The following ZCCHC2 variants were observed in gnomAD, a reference collection of about 807,000 sequenced individuals.
The protein encoded by ZCCHC2 is zinc finger CCHC-type containing 2.
ZCCHC2 carries 39 observed loss-of-function variants against 103.6 expected under a neutral mutation model. The ratio of observed to expected loss-of-function variants is 0.38; its 90% confidence interval spans 0.29 to 0.49. The LOEUF is 0.49. Among genes scored for constraint, ZCCHC2 ranks in the 20% least tolerant of loss-of-function variants. The pLI is 0.96. For missense variants in ZCCHC2, 1,483 were observed against 1,491.0 expected, an observed-to-expected ratio of 0.99 and a Z score of 0.09; for synonymous variants, 687 against 608.9, an observed-to-expected ratio of 1.13 and a Z score of -1.89.
chr18:62,541,962 T>A (rs1915209414), intron 2 of ZCCHC2, among the ~76,000 whole-genome samples: 1 of 152,212 alleles, frequency 6.6e-6, no homozygotes, highest in Non-Finnish European at 1.5e-5. Flanking sequence ...ATATTTATCA[T>A]TATATGATAT....
At chr18:62,527,047 C>A (rs1472120821) in intron 1 of ZCCHC2, 1 of 133,578 alleles carries the variant, frequency 7.5e-6, no homozygotes, top group Non-Finnish European at 1.6e-5. Context: ...ACCTTTTAGA[C>A]ACAAGTATGC....
chr18:62,579,666 C>G (rs1007979204), downstream of ZCCHC2, among the ~76,000 whole-genome samples: 12 of 152,054 alleles, frequency 7.9e-5, no homozygotes, highest in African/African-American at 2.4e-4. Flanking sequence ...CTTAGCTATC[C>G]CTCCCTCCCC....
chr18:62,558,267 A>T (rs928427133), intron 6 of ZCCHC2, among the ~76,000 whole-genome samples: 12 of 152,338 alleles, frequency 7.9e-5, no homozygotes, highest in Admixed American at 5.9e-4. Flanking sequence ...TTGAGAGCAG[A>T]CACTGAGAGA....
rs770719036 is a variant in ZCCHC2, at chr18:62,564,600, A to G, written c.1716A>G (p.Ser572=). ...CTGCTGAAAAACGGAGTTTATCTTCAATAAATAAGAAGAAAGGAAAGCCAC... is the reference window on the plus strand; with the variant it reads ...CTGCTGAAAAACGGAGTTTATCTTCGATAAATAAGAAGAAAGGAAAGCCAC... ...QHSAEKRSLS[S]INKKKGKPQT... Residue 572 remains serine, a synonymous_variant, in exon 10 of 14, where the codon TCA becomes TCG. Transcript: ENST00000269499. 6.5e-6 allele frequency: 10 copies of G among 1,545,058 alleles called. No homozygotes were observed. In the South Asian group the frequency reaches 1.2e-4, roughly 19 times the overall value.
rs200293690 is a variant in ZCCHC2, at chr18:62,574,696, C to T, written c.2615C>T (p.Ala872Val). 1.9e-6 allele frequency: 3 copies of T among 1,613,906 alleles called. No homozygotes were observed. The South Asian group carries it at 3.3e-5, about 18-fold the overall frequency. ...ACCACGGACCCCATCACAAAATCTG[C>T]ATCCCAAGTGGTAGGACTCAATCAA... ...VATTDPITKS[A>V]SQVVGLNQMV... The change falls in exon 13 of 14, where the codon GCA (alanine) becomes GTA (valine). Residue 872 changes from alanine to valine, a missense_variant. Physicochemically the swap from Ala to Val is moderately conservative, Grantham distance 64. Transcript: ENST00000269499.
chr18:62,524,458 G>T, intron 1 of ZCCHC2, 95 bp downstream of exon 1: 2 of 1,398,678 alleles, frequency 1.4e-6, no homozygotes, highest in African/African-American at 1.5e-5. Flanking sequence ...CCGAGCCCCA[G>T]CCCGGCGCAG....
At position 62,563,076 on chromosome 18, in the gene ZCCHC2, G is replaced by A. The variant is rs373092621; in HGVS notation, c.1618G>A (p.Val540Met). The change falls in exon 9 of 14, where the codon GTG becomes ATG. Residue 540 changes from valine to methionine, a missense_variant. Around this residue, in one of 3 missense-constraint regions of ZCCHC2, gnomAD observed 884 missense variants for 907.5 expected, o/e 0.97. Coordinates refer to ENST00000269499, the MANE Select transcript of ZCCHC2 (RefSeq NM_017742.6). The stretch of plus-strand genomic sequence containing the variant: ...GCAATATTCTGAACAGAATGGAATT[G>A]TGGATTGGAGGAAGCAAAGCTGTAC... ...TMQYSEQNGIVDWRKQSCTTI... is the reference protein window; with the variant it reads ...TMQYSEQNGIMDWRKQSCTTI... 31 of 1,613,886 alleles carry A rather than the reference G, an allele frequency of 1.9e-5. No individual in the cohort carries two copies. Among genetic ancestry groups the A allele is most frequent in the Non-Finnish European group, 2.5e-5 (30 of 1,179,880 alleles).
chr18:62,572,686 T>C (rs1448036693), intron 12 of ZCCHC2, among the ~76,000 whole-genome samples: 1 of 152,212 alleles, frequency 6.6e-6, no homozygotes, highest in Non-Finnish European at 1.5e-5. Flanking sequence ...TCAGCATGTC[T>C]AGAGGAGTCT....
Position 62,544,000 on chromosome 18 carries a change from T to A in ZCCHC2, c.1129-802T>A, listed in dbSNP as rs117694962. 4.3e-3 allele frequency among the ~76,000 whole-genome samples: 662 copies of A among 152,348 alleles called. 3 individuals are homozygous for A. The highest frequency in any genetic ancestry group is 5.7e-3 in the Non-Finnish European group (386 of 68,030). On this transcript the variant is annotated intron_variant, in intron 3 of 13. Coordinates refer to ENST00000269499, the MANE Select transcript of ZCCHC2 (RefSeq NM_017742.6). ...AAGATACCAATTTTAGACTTGTAGATAAAATTTTATGTATTTTTTAACTAT... is the reference window on the plus strand; with the variant it reads ...AAGATACCAATTTTAGACTTGTAGAAAAAATTTTATGTATTTTTTAACTAT...
intron 11 of ZCCHC2, among the ~76,000 whole-genome samples, chr18:62,565,998 A>G (rs930854324): frequency 6.6e-6 from 1 of 152,218 alleles, no homozygotes; most frequent in African/African-American, 2.4e-5. Context: ...TAATCCCAGC[A>G]CTTTGAGAGG....
chr18:62,563,857 C>G (rs1312215949), intron 9 of ZCCHC2, among the ~76,000 whole-genome samples: 1 of 152,142 alleles, frequency 6.6e-6, no homozygotes, highest in Non-Finnish European at 1.5e-5. Flanking sequence ...TTTATTGACA[C>G]TTCAGAATGC....
chr18:62,549,294 C>T (rs1915563069), intron 4 of ZCCHC2, among the ~76,000 whole-genome samples: 1 of 152,176 alleles, frequency 6.6e-6, no homozygotes, highest in Non-Finnish European at 1.5e-5. Flanking sequence ...GTGTAGAATG[C>T]CGACAGAGTC....
At chr18:62,537,689 TG>T (rs1914989789) in intron 1 of ZCCHC2, among the ~76,000 whole-genome samples, 2 of 152,368 alleles carry the variant, frequency 1.3e-5, no homozygotes, top group Non-Finnish European at 2.9e-5. Flanking sequence ...CATCCATTGA[TG>T]GGTTTTGAGT....
chr18:62,576,132 A>G (rs1182576278), intron 13 of ZCCHC2, among the ~76,000 whole-genome samples: 1 of 152,200 alleles, frequency 6.6e-6, no homozygotes, highest in Non-Finnish European at 1.5e-5. Flanking sequence ...GTTTAATATT[A>G]CTACCACCAG....
chr18:62,565,204 GT>G, intron 11 of ZCCHC2, 108 bp downstream of exon 11: 1 of 799,568 alleles, frequency 1.3e-6, no homozygotes, highest in Non-Finnish European at 2.0e-6. Context: ...AATACTATAA[GT>G]TTACCTTGTG....
intron 6 of ZCCHC2, 121 bp from the exon 7 acceptor site, chr18:62,558,566 G>A (rs1044173578): frequency 5.4e-6 from 3 of 557,924 alleles, no homozygotes; most frequent in Non-Finnish European, 9.3e-6. Flanking sequence ...CTCACTAGTA[G>A]CCATGTTTTC....
intron 1 of ZCCHC2, among the ~76,000 whole-genome samples, chr18:62,538,721 G>A (rs774317587): frequency 6.6e-6 from 1 of 152,172 alleles, no homozygotes; most frequent in Non-Finnish European, 1.5e-5. Context: ...CATAAACAGA[G>A]CAATTCATAC....
chr18:62,532,640 G>A (rs996437188), intron 1 of ZCCHC2, among the ~76,000 whole-genome samples: 7 of 152,168 alleles, frequency 4.6e-5, no homozygotes, highest in Non-Finnish European at 7.4e-5. Flanking sequence ...AATTGTCCCC[G>A]TGGCAGTCTT....
At chr18:62,584,580 T>A (rs970818219) in exon 15 of ZCCHC2, 3 of 152,100 alleles carry the variant, frequency 2.0e-5, no homozygotes, top group Non-Finnish European at 2.9e-5. Context: ...CTGACCTAAT[T>A]TAGAGAACAT....
Sources: gnomAD v4.1 joint callset for allele counts (sites outside exome capture counted in the v4.1 genomes callset) on GRCh38, gnomAD v4.1.1 for gene constraint, gnomAD v4.1.1 regional missense constraint, MANE v1.5 for transcripts, NCBI Gene and HGNC (gene_info 2026-07-23, HGNC 2026-07-21) for gene names.